Variants in CANX observed in about 807,000 individuals in gnomAD.
CANX encodes the protein epididymis secretory sperm binding protein.
In CANX, 14 loss-of-function variants were observed where a neutral mutation model predicts 75.7. The observed-to-expected ratio is 0.19, with a 90% CI of 0.12 to 0.29. The LOEUF is 0.29. Ranked by LOEUF, CANX falls within the 10% of genes least tolerant of loss-of-function variation. CANX has a pLI of 1.00. For synonymous variants in CANX, 227 were observed against 236.9 expected, an observed-to-expected ratio of 0.96 and a Z score of 0.38; for missense variants, 567 against 713.2, an observed-to-expected ratio of 0.79 and a Z score of 2.34.
intron 1 of CANX, chr5:179,679,009 C>T (rs1562424397): frequency 8.5e-6 from 13 of 1,535,554 alleles, no homozygotes; most frequent in African/African-American, 1.4e-5. Context: ...AGAAGGTGGA[C>T]AGGGAGGGCA....
At chr5:179,705,180 T>G (rs1270092685) in intron 1 of CANX, among the ~76,000 whole-genome samples, 1 of 152,184 alleles carries the variant, frequency 6.6e-6, no homozygotes, top group Non-Finnish European at 1.5e-5. Flanking sequence ...GAGAAGAGTT[T>G]CGCCATGTTG....
At chr5:179,722,758 G>A in intron 10 of CANX, 46 bp from the exon 11 acceptor site, 2 of 1,374,280 alleles carry the variant, frequency 1.5e-6, no homozygotes, top group Non-Finnish European at 1.0e-6. Context: ...ATAAACTTTT[G>A]TTGATCATTA....
chr5:179,698,845 C>T (rs1233139375), upstream of CANX: 1 of 960,524 alleles, frequency 1.0e-6, no homozygotes, highest in Admixed American at 4.0e-5. Context: ...GCGATGCCCA[C>T]GCCGGCCAAC....
chr5:179,714,707 C>T (rs1777810875), intron 7 of CANX, among the ~76,000 whole-genome samples: 3 of 151,968 alleles, frequency 2.0e-5, no homozygotes, highest in Admixed American at 2.0e-4. Flanking sequence ...TTGGTAGAGA[C>T]GGGGTTTCAC....
At chr5:179,697,595 A>C (rs1206158878), upstream of CANX, among the ~76,000 whole-genome samples, 2 of 152,188 alleles carry the variant, frequency 1.3e-5, no homozygotes, top group African/African-American at 4.8e-5. Context: ...CAGGAAACCA[A>C]AATTCTCCTA....
At chr5:179,686,837 GCA>G (rs1776198594) in intron 1 of CANX, among the ~76,000 whole-genome samples, 1 of 152,146 alleles carries the variant, frequency 6.6e-6, no homozygotes, top group Non-Finnish European at 1.5e-5. Flanking sequence ...GGGGTGCAAT[GCA>G]CAGTCTCGGC....
At chr5:179,715,205 G>A (rs1777853618) in intron 7 of CANX, among the ~76,000 whole-genome samples, 1 of 152,132 alleles carries the variant, frequency 6.6e-6, no homozygotes, top group African/African-American at 2.4e-5. Flanking sequence ...TGGAATCTGG[G>A]CTTTAATATA....
chr5:179,684,626 C>T (rs1486793605), intron 1 of CANX, among the ~76,000 whole-genome samples: 1 of 152,034 alleles, frequency 6.6e-6, no homozygotes, highest in Admixed American at 6.6e-5. Context: ...AGGCTTGAGC[C>T]ACCGTGCCCG....
At chr5:179,712,847 C>A (rs774583376) in intron 7 of CANX, among the ~76,000 whole-genome samples, 7 of 151,910 alleles carry the variant, frequency 4.6e-5, no homozygotes, top group Non-Finnish European at 1.0e-4. Context: ...CCACAGCCTC[C>A]TGAGTAGCTG....
At chr5:179,707,296 T>G in intron 4 of CANX, 106 bp downstream of exon 4, 1 of 750,642 alleles carries the variant, frequency 1.3e-6, no homozygotes, top group African/African-American at 1.7e-5. Context: ...GGCTTTAAGA[T>G]TTTTCCAGCC....
At chr5:179,678,958 G>C in intron 1 of CANX, 1 of 1,535,712 alleles carries the variant, frequency 6.5e-7, no homozygotes, top group African/African-American at 1.4e-5. Flanking sequence ...CGCCGTAGGC[G>C]AGGCCCAGCT....
In CANX at chr5:179,713,975, GTTTGT is replaced by G. The variant is rs369815764; in HGVS notation, c.722-2108_722-2104del. 4.3e-3 allele frequency among the ~76,000 whole-genome samples: 658 copies of G among 152,168 alleles called. 8 individuals are homozygous for G. The highest frequency in any genetic ancestry group is 0.013 in the African/African-American group (551 of 41,532). On this transcript the variant is annotated intron_variant, in intron 7 of 14. Coordinates refer to ENST00000247461, the MANE Select transcript of CANX (RefSeq NM_001746.4). ...ACAGATATTTCAATTACTGTGATTT[GTTTGT>G]TTTGTTTTGTTTTGTTTTGTTCTTT... is the stretch of plus-strand genomic sequence containing the variant.
Position 179,728,942 on chromosome 5 carries a change from A to G in CANX, c.*298A>G, listed in dbSNP as rs919962315. On this transcript the variant is annotated 3_prime_UTR_variant, in exon 15 of 15. Transcript: ENST00000247461. ...TTAACATCTTTGTTTTTAAAATAGA[A>G]TGATAGAACTTTGCCAGTCTTTAAG... 17 of 400,200 alleles carry G rather than the reference A, an allele frequency of 4.2e-5. No homozygotes were observed. Among genetic ancestry groups the G allele is most frequent in the Non-Finnish European group, 7.9e-5 (17 of 215,454 alleles). 24.8% of individuals were successfully genotyped at this position (400,200 alleles called of 1,614,324 possible). A position where few individuals can be genotyped will look rare whatever the true frequency, so the allele number is the denominator to read the frequency against.
At chr5:179,708,106 G>A in intron 4 of CANX, 133 bp from the exon 5 acceptor site, 2 of 665,220 alleles carry the variant, frequency 3.0e-6, no homozygotes. Flanking sequence ...CCTAAGTGCT[G>A]GGATTATAGG....
intron 9 of CANX, 68 bp downstream of exon 9, chr5:179,719,849 T>G: frequency 8.6e-5 from 67 of 781,920 alleles, no homozygotes; most frequent in Non-Finnish European, 1.2e-4. Context: ...TGAGATGGAG[T>G]CTCACTCTGT....
intron 1 of CANX, among the ~76,000 whole-genome samples, chr5:179,683,779 C>T (rs1401235134): frequency 6.6e-6 from 1 of 152,124 alleles, no homozygotes; most frequent in African/African-American, 2.4e-5. Flanking sequence ...AGTGATCCAT[C>T]TGCCTCGGCC....
chr5:179,683,545 C>G (rs1227287334), intron 1 of CANX, among the ~76,000 whole-genome samples: 1 of 151,192 alleles, frequency 6.6e-6, no homozygotes, highest in Non-Finnish European at 1.5e-5. Context: ...ACCTTTTTTT[C>G]TTTTTTTGAG....
At position 179,716,148 on chromosome 5, in the gene CANX, T is replaced by G. The variant is rs761928551; in HGVS notation, c.765T>G (p.Ser255=). Reference sequence around the variant, plus strand: ...GTTTTGAAATACTGGTTGACCAATCTGTGGTGAATAGTGGAAATCTGCTCA... The same window carrying G: ...GTTTTGAAATACTGGTTGACCAATCGGTGGTGAATAGTGGAAATCTGCTCA... ...DNSFEILVDQ[S]VVNSGNLLND... Residue 255 remains serine, a synonymous_variant, in exon 8 of 15, where the codon TCT becomes TCG. Coordinates refer to ENST00000247461, the MANE Select transcript of CANX (RefSeq NM_001746.4). The G allele has an allele frequency of 5.6e-6, 9 of 1,612,990 alleles. No individual in the cohort carries two copies. The African/African-American group carries it at 1.2e-4, about 22-fold the overall frequency.
intron 1 of CANX, chr5:179,679,274 CAA>C: frequency 2.0e-6 from 3 of 1,516,338 alleles, no homozygotes; most frequent in South Asian, 1.2e-5. Flanking sequence ...TGCTGGGAGA[CAA>C]GAGTCCGGGT....
Sources: gnomAD v4.1 joint callset for allele counts (sites outside exome capture counted in the v4.1 genomes callset) on GRCh38, gnomAD v4.1.1 for gene constraint, MANE v1.5 for transcripts, NCBI Gene and HGNC (gene_info 2026-07-23, HGNC 2026-07-21) for gene names.